The following MEI1 variants were observed in gnomAD, a reference collection of about 807,000 sequenced individuals.
The protein encoded by MEI1 is meiosis inhibitor protein 1.
MEI1 carries 103 observed loss-of-function variants against 146.2 expected under a neutral mutation model. That is an observed-to-expected ratio of 0.70 (90% confidence interval 0.60 to 0.83). The LOEUF is 0.83. MEI1 is among the 40% of genes least tolerant of loss of function. The pLI, the probability that MEI1 is intolerant of heterozygous loss-of-function variation, is 0.00. For synonymous variants in MEI1, 652 were observed against 628.2 expected (o/e 1.04, Z -0.57); for missense variants, 1,529 against 1,533.0 (o/e 1.00, Z 0.04).
chr22:41,754,121 G>C (rs2073946557), intron 17 of MEI1, 75 bp downstream of exon 17: 2 of 1,077,874 alleles, frequency 1.9e-6, no homozygotes, highest in Non-Finnish European at 2.9e-6. Context: ...TGATTGACTA[G>C]ATAGTGAGTT....
intron 7 of MEI1, among the ~76,000 whole-genome samples, chr22:41,725,461 T>C (rs2147487837): frequency 6.6e-6 from 1 of 152,216 alleles, no homozygotes; most frequent in Non-Finnish European, 1.5e-5. Flanking sequence ...TGCCTGAAAA[T>C]GGAGAATACT....
intron 1 of MEI1, among the ~76,000 whole-genome samples, chr22:41,701,131 G>A (rs2068697365): frequency 6.6e-6 from 1 of 151,724 alleles, no homozygotes; most frequent in Admixed American, 6.6e-5. Context: ...TATAGACGGG[G>A]TTTCTCCATG....
chr22:41,743,506 C>G (rs1386670864), intron 12 of MEI1, among the ~76,000 whole-genome samples: 1 of 152,156 alleles, frequency 6.6e-6, no homozygotes, highest in Non-Finnish European at 1.5e-5. Flanking sequence ...CACACATTCT[C>G]TGTTTATATC....
At chr22:41,767,255 T>C (rs9619990) in intron 19 of MEI1, among the ~76,000 whole-genome samples, 12,267 of 152,256 alleles carry the variant, frequency 0.081, 1,346 homozygotes, top group African/African-American at 0.25. Flanking sequence ...GCCCTTTATG[T>C]AGAAGCAGGG....
intron 3 of MEI1, among the ~76,000 whole-genome samples, chr22:41,713,737 G>A (rs1008852981): frequency 1.3e-5 from 2 of 152,132 alleles, no homozygotes; most frequent in Admixed American, 6.6e-5. Context: ...TAATAGAGAC[G>A]AGGTTTCTCC....
At chr22:41,701,641 G>A (rs953896892) in intron 1 of MEI1, among the ~76,000 whole-genome samples, 17 of 152,052 alleles carry the variant, frequency 1.1e-4, no homozygotes, top group Admixed American at 6.6e-4. Context: ...TGCTTTTCTT[G>A]GACAGTAAAT....
intron 20 of MEI1, among the ~76,000 whole-genome samples, chr22:41,773,103 T>G (rs1220906483): frequency 6.6e-6 from 1 of 152,224 alleles, no homozygotes; most frequent in East Asian, 1.9e-4. Flanking sequence ...CCAGGGAAGC[T>G]GGAGTGGATG....
Position 41,795,558 on chromosome 22 carries a change from A to T in MEI1, c.3666+16A>T, listed in dbSNP as rs780377668. The T allele has an allele frequency of 1.9e-6, 3 of 1,613,422 alleles. No individual in the cohort carries two copies. The highest frequency in any genetic ancestry group is 2.5e-6 in the Non-Finnish European group (3 of 1,179,754). On this transcript the variant is annotated intron_variant, in intron 29 of 30. Transcript: ENST00000401548. This position sits in a 1 kb window ranked among gnomAD's most constrained non-coding sequence, Gnocchi z 4.2. Reference sequence around the variant, plus strand: ...CTTCCAGCAGGTGGGTGGGAAGGGGAGGCCATGCAGCCACTGTAAAGCTAG... The same window carrying T: ...CTTCCAGCAGGTGGGTGGGAAGGGGTGGCCATGCAGCCACTGTAAAGCTAG...
intron 15 of MEI1, among the ~76,000 whole-genome samples, chr22:41,748,532 A>T (rs1327597708): frequency 6.6e-6 from 1 of 152,222 alleles, no homozygotes; most frequent in Non-Finnish European, 1.5e-5. Flanking sequence ...AAAAGATTAA[A>T]GAAAAATTAG....
At chr22:41,704,649 G>A (rs984886947) in intron 2 of MEI1, among the ~76,000 whole-genome samples, 2 of 151,838 alleles carry the variant, frequency 1.3e-5, no homozygotes, top group African/African-American at 4.8e-5. Flanking sequence ...CCCAACCTCA[G>A]GTGATCTGCC....
chr22:41,701,458 A>T (rs8138780), intron 1 of MEI1, among the ~76,000 whole-genome samples: 126,078 of 151,358 alleles, frequency 0.83, 53,442 homozygotes, highest in African/African-American at 0.95. Context: ...GAAAAAATTT[A>T]AAAAAAAATG....
intron 7 of MEI1, among the ~76,000 whole-genome samples, chr22:41,726,016 A>C (rs529864946): frequency 5.9e-5 from 9 of 152,302 alleles, no homozygotes; most frequent in Middle Eastern, 3.4e-3. Context: ...GCAGTGGCTC[A>C]TGCCTGTAAT....
intron 15 of MEI1, chr22:41,752,314 T>C (rs556180268): frequency 1.4e-5 from 6 of 415,988 alleles, no homozygotes; most frequent in Admixed American, 7.1e-5. Flanking sequence ...TGAACACTTA[T>C]TGCAGCACTT....
intron 26 of MEI1, among the ~76,000 whole-genome samples, chr22:41,788,826 C>G (rs919513963): frequency 6.6e-6 from 1 of 152,170 alleles, no homozygotes. Flanking sequence ...ACATTCAACT[C>G]TGCCTCTGGC....
chr22:41,714,484 A>G (rs1455582081), intron 4 of MEI1, among the ~76,000 whole-genome samples: 2 of 152,124 alleles, frequency 1.3e-5, no homozygotes, highest in Non-Finnish European at 2.9e-5. Flanking sequence ...GTTTGGTTCT[A>G]TCAGCTTACT....
At chr22:41,783,879 C>G (rs1024263444) in intron 24 of MEI1, among the ~76,000 whole-genome samples, 1 of 152,074 alleles carries the variant, frequency 6.6e-6, no homozygotes, top group Admixed American at 6.6e-5. Flanking sequence ...GATGGGTCTT[C>G]GCCATGTTGT....
At chr22:41,744,328 G>T (rs981327319) in intron 12 of MEI1, among the ~76,000 whole-genome samples, 3 of 151,992 alleles carry the variant, frequency 2.0e-5, no homozygotes, top group African/African-American at 4.8e-5. Context: ...CCGCCACCAT[G>T]CCTGGCTAAT....
At chr22:41,741,036 G>A (rs868503910) in intron 11 of MEI1, among the ~76,000 whole-genome samples, 10 of 152,246 alleles carry the variant, frequency 6.6e-5, no homozygotes, top group Middle Eastern at 3.4e-3. Flanking sequence ...TCAGCCTGCC[G>A]AGTAGCTGGG....
intron 6 of MEI1, among the ~76,000 whole-genome samples, chr22:41,720,078 A>G (rs1381955848): frequency 6.6e-6 from 1 of 152,194 alleles, no homozygotes; most frequent in South Asian, 2.1e-4. Context: ...TGTAGAAGAC[A>G]CACATGGACA....
Sources: allele counts gnomAD v4.1 joint callset (sites outside exome capture counted in the v4.1 genomes callset), GRCh38; gene constraint gnomAD v4.1.1; non-coding constraint Gnocchi (gnomAD v3.1); transcripts MANE v1.5; gene names NCBI Gene and HGNC (gene_info 2026-07-23, HGNC 2026-07-21).